DIAPH1: variants seen among roughly 807,000 people sequenced by gnomAD.
The protein encoded by DIAPH1 is diaphanous related formin 1, also known as protein diaphanous homolog 1.
A neutral mutation model predicts 140.7 loss-of-function variants in DIAPH1; 46 were observed. The observed-to-expected ratio is 0.33, with a 90% CI of 0.26 to 0.42. The LOEUF (loss-of-function observed/expected upper bound fraction) is 0.42. Among genes scored for constraint, DIAPH1 ranks in the 10% least tolerant of loss-of-function variants. The pLI is 1.00. For synonymous variants in DIAPH1, 565 were observed against 551.6 expected, an observed-to-expected ratio of 1.02 and a Z score of -0.34; for missense variants, 1,310 against 1,558.7, an observed-to-expected ratio of 0.84 and a Z score of 2.69.
At chr5:141,577,968 C>T (rs2099896203) in intron 11 of DIAPH1, 1 of 568,752 alleles carries the variant, frequency 1.8e-6, no homozygotes. Flanking sequence ...TAAGCTATCA[C>T]ATTCTAGGAA....
At chr5:141,591,966 T>C (rs1407366931) in intron 1 of DIAPH1, among the ~76,000 whole-genome samples, 1 of 149,122 alleles carries the variant, frequency 6.7e-6, no homozygotes, top group Non-Finnish European at 1.5e-5. Flanking sequence ...CCTGTAATCC[T>C]AGCTACTCAG....
chr5:141,590,742 A>C (rs907150587), intron 1 of DIAPH1, among the ~76,000 whole-genome samples: 2 of 87,644 alleles, frequency 2.3e-5, no homozygotes, highest in African/African-American at 7.4e-5. Context: ...GCTTAAGTTT[A>C]AAAAAAAAAA....
At chr5:141,524,423 T>TA in intron 26 of DIAPH1, 194 bp from the exon 27 acceptor site, 1 of 645,068 alleles carries the variant, frequency 1.6e-6, no homozygotes, top group Admixed American at 2.3e-5. Context: ...AAAAAATGGT[T>TA]AAAACAAAAG....
intron 18 of DIAPH1, among the ~76,000 whole-genome samples, chr5:141,552,696 TATA>T (rs1434301291): frequency 6.6e-6 from 1 of 152,148 alleles, no homozygotes; most frequent in Non-Finnish European, 1.5e-5. Context: ...ACACTCAATA[TATA>T]TGGAAATTAA....
chr5:141,542,131 C>G (rs761714158), intron 18 of DIAPH1, among the ~76,000 whole-genome samples: 3 of 152,116 alleles, frequency 2.0e-5, no homozygotes, highest in African/African-American at 7.2e-5. Flanking sequence ...ATAGACAAAA[C>G]GTAGAAATAG....
intron 1 of DIAPH1, 102 bp from the exon 2 acceptor site, chr5:141,588,352 T>G (rs918665522): frequency 7.1e-6 from 6 of 844,714 alleles, no homozygotes; most frequent in Admixed American, 5.7e-5. Flanking sequence ...GGGAGAGAAG[T>G]TGAAAGGATC....
chr5:141,515,751 C>T lies in DIAPH1; in HGVS notation c.*1100G>A, dbSNP rs760359303. On this transcript the variant is annotated 3_prime_UTR_variant, in exon 28 of 28. Transcript: ENST00000389054. Reference sequence around the variant, plus strand: ...ACCAGAGAAGGGGTTCCTCCTGTGTCGGATTCCCTGGGAGAGAGGATCTGC... The same window carrying T: ...ACCAGAGAAGGGGTTCCTCCTGTGTTGGATTCCCTGGGAGAGAGGATCTGC... The T allele has an allele frequency of 6.6e-6, 1 of 152,184 alleles. No individual in the cohort carries two copies. The highest frequency in any genetic ancestry group is 1.5e-5 in the Non-Finnish European group (1 of 68,052). The allele number at this position is 152,184 out of a possible 1,614,324, so 9.4% of individuals were successfully genotyped here. A position where few individuals can be genotyped will look rare whatever the true frequency, so the allele number is the denominator to read the frequency against.
chr5:141,584,754 T>C (rs1596390212), intron 3 of DIAPH1, among the ~76,000 whole-genome samples: 1 of 152,334 alleles, frequency 6.6e-6, no homozygotes, highest in East Asian at 1.9e-4. Flanking sequence ...CATAATCTGA[T>C]GTATGTTTGG....
Position 141,558,083 on chromosome 5 carries a change from T to A in DIAPH1, c.2482+13345A>T, listed in dbSNP as rs1440810997. Among the ~76,000 whole-genome samples, 3 of 152,128 alleles carry A rather than the reference T, an allele frequency of 2.0e-5. No homozygotes were observed. In the East Asian group the frequency reaches 5.8e-4, roughly 29 times the overall value. On this transcript the variant is annotated intron_variant, in intron 18 of 27. Coordinates refer to ENST00000389054, the MANE Select transcript of DIAPH1 (RefSeq NM_005219.5). ...GTCTGTTTTATGTTCTTCACTACTTTTGCATTTCAAACGAATCAGTCCTAC... is the reference window on the plus strand; with the variant it reads ...GTCTGTTTTATGTTCTTCACTACTTATGCATTTCAAACGAATCAGTCCTAC...
At position 141,583,259 on chromosome 5, in the gene DIAPH1, G is replaced by C. The variant is rs374973593; in HGVS notation, c.567C>G (p.Ala189=). 6.2e-7 allele frequency: 1 copy of C among 1,614,188 alleles called. No individual in the cohort carries two copies. The highest frequency in any genetic ancestry group is 8.5e-7 in the Non-Finnish European group (1 of 1,180,042). ...WVQTFGAEGL[A]SLLDILKRLH... is the part of the protein sequence containing the mutation. Reference sequence around the variant, plus strand: ...GTCGTTTAAGAATGTCCAATAAGGAGGCCAAGCCTTCAGCACCAAATGTTT... The same window carrying C: ...GTCGTTTAAGAATGTCCAATAAGGACGCCAAGCCTTCAGCACCAAATGTTT... Residue 189 remains alanine, a synonymous_variant, in exon 6 of 28, where the codon GCC becomes GCG. Transcript: ENST00000389054.
chr5:141,584,095 A>G, intron 4 of DIAPH1, 29 bp downstream of exon 4: 1 of 1,419,358 alleles, frequency 7.0e-7, no homozygotes, highest in Non-Finnish European at 1.0e-6. Flanking sequence ...ACAGTCTCCC[A>G]TGTCATGGGT....
intron 18 of DIAPH1, among the ~76,000 whole-genome samples, chr5:141,568,397 A>G (rs2154596118): frequency 6.6e-6 from 1 of 152,346 alleles, no homozygotes; most frequent in Non-Finnish European, 1.5e-5. Flanking sequence ...AGAATGTGAA[A>G]AAGGACCAGA....
intron 18 of DIAPH1, among the ~76,000 whole-genome samples, chr5:141,569,287 A>G (rs1359173270): frequency 6.6e-6 from 1 of 152,134 alleles, no homozygotes; most frequent in Non-Finnish European, 1.5e-5. Context: ...TATCTAATCT[A>G]TGTCACTACT....
intron 12 of DIAPH1, among the ~76,000 whole-genome samples, chr5:141,577,146 G>C (rs773306502): frequency 1.3e-5 from 2 of 152,136 alleles, no homozygotes; most frequent in Admixed American, 1.3e-4. Context: ...TCCTGTGATG[G>C]ATAGTGCTAT....
At chr5:141,606,050 GC>G (rs1179250544) in intron 1 of DIAPH1, among the ~76,000 whole-genome samples, 10 of 151,946 alleles carry the variant, frequency 6.6e-5, no homozygotes, top group East Asian at 3.9e-4. Context: ...ATCCCTCTAG[GC>G]CCCATGCAAA....
chr5:141,536,640 C>T (rs2099889067), intron 18 of DIAPH1, among the ~76,000 whole-genome samples: 1 of 152,062 alleles, frequency 6.6e-6, no homozygotes, highest in Admixed American at 6.6e-5. Flanking sequence ...GAAGATCTCA[C>T]TGTAAGTGAC....
intron 18 of DIAPH1, among the ~76,000 whole-genome samples, chr5:141,561,612 AAAATT>A (rs1182053711): frequency 3.9e-5 from 6 of 152,334 alleles, no homozygotes; most frequent in Admixed American, 2.0e-4. Flanking sequence ...ACATTATAGA[AAAATT>A]AAAAGAGAAA....
intron 2 of DIAPH1, 139 bp from the exon 3 acceptor site, chr5:141,587,336 G>T: frequency 1.2e-6 from 1 of 813,734 alleles, no homozygotes; most frequent in Non-Finnish European, 2.0e-6. Context: ...CTTCTGACAT[G>T]AAAAGAAGAA....
intron 15 of DIAPH1, 77 bp downstream of exon 15, chr5:141,574,890 G>T: frequency 6.7e-7 from 1 of 1,500,228 alleles, no homozygotes; most frequent in South Asian, 1.1e-5. Context: ...CCCTAGGAGC[G>T]AGATGACTGA....
Sources: allele counts gnomAD v4.1 joint callset (sites outside exome capture counted in the v4.1 genomes callset), GRCh38; gene constraint gnomAD v4.1.1; transcripts MANE v1.5; gene names NCBI Gene and HGNC (gene_info 2026-07-23, HGNC 2026-07-21).